TBC1D12: variants seen among roughly 807,000 people sequenced by gnomAD.
TBC1D12 encodes the protein TBC1 domain family member 12, also known as TBC1 domain family, member 12.
TBC1D12 carries 56 observed loss-of-function variants against 86.7 expected under a neutral mutation model. The ratio of observed to expected loss-of-function variants is 0.65; its 90% confidence interval spans 0.52 to 0.81. TBC1D12 has a LOEUF of 0.81. Among genes scored for constraint, TBC1D12 ranks in the 30% least tolerant of loss-of-function variants. TBC1D12 has a pLI of 0.00. For synonymous variants in TBC1D12, 421 were observed against 411.7 expected (o/e 1.02, Z -0.27); for missense variants, 1,023 against 1,038.8 (o/e 0.98, Z 0.21).
chr10:94,482,971 G>C (rs2056099245), intron 3 of TBC1D12, among the ~76,000 whole-genome samples: 1 of 151,582 alleles, frequency 6.6e-6, no homozygotes, highest in African/African-American at 2.4e-5. Context: ...TGTTGCAAAT[G>C]ACAGGCTCTC....
intron 6 of TBC1D12, among the ~76,000 whole-genome samples, chr10:94,503,547 T>C (rs1246890773): frequency 1.3e-5 from 2 of 152,194 alleles, no homozygotes; most frequent in Non-Finnish European, 2.9e-5. Context: ...ACTTTGGATA[T>C]TATGATTATG....
rs757911024 is a variant in TBC1D12 at position 94,458,995 on chromosome 10, CGTT to C, written c.1096-15668_1096-15666del. Among the ~76,000 whole-genome samples, 23 of 152,252 alleles carry C rather than the reference CGTT, an allele frequency of 1.5e-4. No individual in the cohort carries two copies. In the East Asian group the frequency reaches 1.7e-3, roughly 12 times the overall value. Reference sequence around the variant, plus strand: ...GTGGAAGGGGACCCAAGCGGGTTGGCGTTGTTGGCTCAGGTGGCCTGCTTTTAT... The same window carrying C: ...GTGGAAGGGGACCCAAGCGGGTTGGCGTTGGCTCAGGTGGCCTGCTTTTAT... On this transcript the variant is annotated intron_variant, in intron 2 of 12. Coordinates refer to ENST00000225235, the MANE Select transcript of TBC1D12 (RefSeq NM_015188.2).
At chr10:94,435,999 T>C (rs1299921683) in intron 1 of TBC1D12, among the ~76,000 whole-genome samples, 1 of 152,222 alleles carries the variant, frequency 6.6e-6, no homozygotes, top group Non-Finnish European at 1.5e-5. Flanking sequence ...GTTTATTCTT[T>C]CTCCATTGAT....
intron 2 of TBC1D12, among the ~76,000 whole-genome samples, chr10:94,468,870 G>A (rs986144710): frequency 3.3e-5 from 5 of 151,970 alleles, no homozygotes; most frequent in African/African-American, 9.7e-5. Context: ...CTTAATTTTG[G>A]ATAGTTTCTG....
At chr10:94,443,935 A>G (rs1170226596) in intron 2 of TBC1D12, among the ~76,000 whole-genome samples, 2 of 152,202 alleles carry the variant, frequency 1.3e-5, no homozygotes, top group African/African-American at 2.4e-5. Flanking sequence ...TTTGGAAGGC[A>G]GAAGCAGGCA....
intron 3 of TBC1D12, among the ~76,000 whole-genome samples, chr10:94,482,746 G>A (rs1275930083): frequency 6.6e-6 from 1 of 151,992 alleles, no homozygotes; most frequent in African/African-American, 2.4e-5. Flanking sequence ...CACGGTGCCT[G>A]GCCCATTCTT....
chr10:94,506,982 C>A (rs773578660), intron 6 of TBC1D12, among the ~76,000 whole-genome samples: 5 of 152,150 alleles, frequency 3.3e-5, no homozygotes, highest in Non-Finnish European at 5.9e-5. Context: ...CTCCAAAAAT[C>A]ATTTTTTTCT....
intron 6 of TBC1D12, among the ~76,000 whole-genome samples, chr10:94,506,140 G>T (rs1206907766): frequency 1.3e-5 from 2 of 151,806 alleles, no homozygotes; most frequent in Non-Finnish European, 2.9e-5. Context: ...GGGCTCAAGT[G>T]ATTCTCCTGC....
chr10:94,520,003 C>T (rs1314342195), intron 9 of TBC1D12, among the ~76,000 whole-genome samples: 1 of 152,202 alleles, frequency 6.6e-6, no homozygotes, highest in Admixed American at 6.5e-5. Context: ...ACTACAGTCC[C>T]TGTCTTCATG....
At chr10:94,463,467 C>G (rs888724501) in intron 2 of TBC1D12, among the ~76,000 whole-genome samples, 10 of 152,030 alleles carry the variant, frequency 6.6e-5, no homozygotes, top group Non-Finnish European at 1.5e-4. Context: ...GCTACCAGTC[C>G]CACTCTCATG....
intron 1 of TBC1D12, among the ~76,000 whole-genome samples, chr10:94,438,037 CTT>C (rs1201458641): frequency 1.3e-4 from 3 of 23,308 alleles, no homozygotes; most frequent in Non-Finnish European, 2.4e-4. Flanking sequence ...GACTTAATGT[CTT>C]TGACTAGTAA....
At chr10:94,511,285 A>G (rs535094403) in intron 8 of TBC1D12, among the ~76,000 whole-genome samples, 1 of 151,816 alleles carries the variant, frequency 6.6e-6, no homozygotes, top group East Asian at 1.9e-4. Context: ...TGTAGTAGAG[A>G]TGGGGTTTCA....
Position 94,535,999 on chromosome 10 carries a change from G to A in TBC1D12, c.*2903G>A, listed in dbSNP as rs948013517. The A allele has an allele frequency of 1.3e-5, 2 of 152,006 alleles. No individual in the cohort carries two copies. Among genetic ancestry groups the A allele is most frequent in the African/African-American group, 4.8e-5 (2 of 41,410 alleles). The allele number at this position is 152,006 out of a possible 1,614,324, so 9.4% of individuals were successfully genotyped here. On this transcript the variant is annotated 3_prime_UTR_variant, in exon 13 of 13. Coordinates refer to ENST00000225235, the MANE Select transcript of TBC1D12 (RefSeq NM_015188.2). ...TTTAACTGCATCTCAAGGAAACAAA[G>A]GAAATAATCTTTGTTTTTGTTTGCC...
chr10:94,526,538 A>C (rs1842293852), intron 11 of TBC1D12, among the ~76,000 whole-genome samples: 1 of 152,038 alleles, frequency 6.6e-6, no homozygotes, highest in South Asian at 2.1e-4. Flanking sequence ...CTCTGGTTCT[A>C]TCCATGTTGC....
intron 3 of TBC1D12, among the ~76,000 whole-genome samples, chr10:94,491,689 A>G (rs545197292): frequency 1.1e-3 from 166 of 152,328 alleles, no homozygotes; most frequent in Middle Eastern, 6.8e-3. Flanking sequence ...ACATGAGTTC[A>G]GTTTATCTGC....
intron 10 of TBC1D12, 62 bp downstream of exon 10, chr10:94,522,145 C>T: frequency 6.5e-7 from 1 of 1,549,210 alleles, no homozygotes; most frequent in Non-Finnish European, 8.8e-7. Context: ...GAGTGAAAAA[C>T]AATAATTAGA....
chr10:94,531,738 TG>T (rs1842427460), intron 12 of TBC1D12, among the ~76,000 whole-genome samples: 1 of 146,812 alleles, frequency 6.8e-6, no homozygotes, highest in Non-Finnish European at 1.5e-5. Flanking sequence ...TTTTATGTTA[TG>T]TTATTTTATG....
In TBC1D12 at chr10:94,522,404, C is replaced by A. The variant is rs867709346; in HGVS notation, c.1951C>A (p.Leu651Ile). ...FFEENLSKLF[L>I]HFKSYSLTPD... The stretch of plus-strand genomic sequence containing the variant: ...TGAAGAAAATCTTTCCAAATTATTT[C>A]TTCACTTCAAATCTTACAGTCTTAC... Residue 651 changes from leucine (L) to isoleucine (I), a missense_variant, in exon 11 of 13, where the codon CTT becomes ATT. By Grantham distance (5) the Leu-to-Ile change is conservative (BLOSUM62 2). Around this residue, in one of 2 missense-constraint regions of TBC1D12, gnomAD observed 395 missense variants for 507.7 expected, o/e 0.78. Coordinates refer to ENST00000225235, the MANE Select transcript of TBC1D12 (RefSeq NM_015188.2). 4.1e-6 allele frequency: 6 copies of A among 1,463,842 alleles called. No individual in the cohort carries two copies. In the East Asian group the frequency reaches 1.2e-4, roughly 30 times the overall value. The allele number at this position is 1,463,842 out of a possible 1,614,324, so 90.7% of individuals were successfully genotyped here.
chr10:94,459,067 TACA>T (rs2055678332), intron 2 of TBC1D12, among the ~76,000 whole-genome samples: 1 of 354 alleles, frequency 2.8e-3, no homozygotes, highest in African/African-American at 0.024. Flanking sequence ...TGGTCCATTT[TACA>T]GAGAGCTGAT....
Sources: gnomAD v4.1 joint callset for allele counts (sites outside exome capture counted in the v4.1 genomes callset) on GRCh38, gnomAD v4.1.1 for gene constraint, gnomAD v4.1.1 regional missense constraint, MANE v1.5 for transcripts, NCBI Gene and HGNC (gene_info 2026-07-23, HGNC 2026-07-21) for gene names.